URB1: variants seen among roughly 807,000 people sequenced by gnomAD.
URB1 encodes URB1 ribosome biogenesis factor, also known as nucleolar pre-ribosomal-associated protein 1.
URB1 carries 197 observed loss-of-function variants against 242.3 expected under a neutral mutation model. The observed-to-expected ratio is 0.81, with a 90% CI of 0.72 to 0.91. URB1 has a LOEUF of 0.91. URB1 is among the 40% of genes least tolerant of loss of function. The probability of loss-of-function intolerance (pLI) is 0.00; values close to 1 mark genes in which losing one functional copy is unlikely to be tolerated. For synonymous variants in URB1, 1,153 were observed against 1,201.8 expected, an observed-to-expected ratio of 0.96 and a Z score of 0.84; for missense variants, 2,721 against 2,860.5, an observed-to-expected ratio of 0.95 and a Z score of 1.11.
intron 1 of URB1, among the ~76,000 whole-genome samples, chr21:32,386,629 G>T (rs190006675): frequency 2.5e-3 from 388 of 152,256 alleles, no homozygotes; most frequent in African/African-American, 8.2e-3. Flanking sequence ...GCAATGACTC[G>T]TCTGGATCCC....
intron 35 of URB1, 76 bp from the exon 36 acceptor site, chr21:32,319,490 T>A: frequency 7.5e-7 from 1 of 1,340,398 alleles, no homozygotes; most frequent in Non-Finnish European, 9.9e-7. Flanking sequence ...CCCTCCATAA[T>A]CCTATCTGCT....
chr21:32,385,783 C>T, intron 1 of URB1, 99 bp from the exon 2 acceptor site: 1 of 1,423,982 alleles, frequency 7.0e-7, no homozygotes, highest in Admixed American at 2.1e-5. Context: ...GTGACCTTCC[C>T]CGATCCACCT....
intron 26 of URB1, among the ~76,000 whole-genome samples, chr21:32,338,164 G>A (rs1237914236): frequency 3.9e-5 from 6 of 152,182 alleles, no homozygotes; most frequent in African/African-American, 1.2e-4. Flanking sequence ...AGAGCGTGGC[G>A]TCAGGAGGGC....
chr21:32,389,176 G>C (rs572275437), intron 1 of URB1, among the ~76,000 whole-genome samples: 1 of 152,264 alleles, frequency 6.6e-6, no homozygotes, highest in African/African-American at 2.4e-5. Context: ...AATAGTAAAC[G>C]TAAGTATTGA....
intron 38 of URB1, 36 bp from the exon 39 acceptor site, chr21:32,315,135 C>T (rs1227188075): frequency 2.1e-6 from 3 of 1,458,784 alleles, no homozygotes; most frequent in Non-Finnish European, 2.7e-6. Context: ...TTAGGATGCA[C>T]ACCTGCTCAG....
chr21:32,384,248 C>A (rs1474266721), intron 3 of URB1, 65 bp downstream of exon 3: 4 of 1,506,862 alleles, frequency 2.7e-6, no homozygotes, highest in African/African-American at 2.8e-5. Context: ...AATGCACCTG[C>A]GGAGAGCTGA....
chr21:32,338,565 G>T, intron 26 of URB1, 142 bp downstream of exon 26: 1 of 974,708 alleles, frequency 1.0e-6, no homozygotes, highest in Non-Finnish European at 1.5e-6. Context: ...GGATTTGACA[G>T]AAATAAAACA....
chr21:32,360,015 G>T, intron 13 of URB1, 107 bp from the exon 14 acceptor site: 1 of 1,002,162 alleles, frequency 1.0e-6, no homozygotes. Flanking sequence ...GAAAGAAAAA[G>T]GGTGGATGCA....
chr21:32,361,191 G>GAAAGAAAGAAAGAAAC, intron 12 of URB1, 68 bp from the exon 13 acceptor site: 2 of 872,020 alleles, frequency 2.3e-6, no homozygotes, highest in Admixed American at 3.0e-5. Flanking sequence ...AAGAAAGAAA[G>GAAAGAAAGAAAGAAAC]AAAGAAAGAA....
In URB1 at chr21:32,314,195, A is replaced by ATTTTTT; in HGVS notation, c.*717_*722dup. On this transcript the variant is annotated 3_prime_UTR_variant, in exon 39 of 39. Transcript: ENST00000382751. ...ATAGAAAAACAAACTTTATTTTTTT[A>ATTTTTT]TTTTTTTGAGATGGAGTCTTGCTCT... is the stretch of plus-strand genomic sequence containing the variant. 5.2e-6 allele frequency: 1 copy of ATTTTTT among 191,412 alleles called. No individual in the cohort carries two copies. Among genetic ancestry groups the ATTTTTT allele is most frequent in the Non-Finnish European group, 1.1e-5 (1 of 91,148 alleles). 11.9% of individuals were successfully genotyped at this position (191,412 alleles called of 1,614,324 possible).
At chr21:32,351,603 C>G (rs909709269) in intron 19 of URB1, among the ~76,000 whole-genome samples, 7 of 152,204 alleles carry the variant, frequency 4.6e-5, no homozygotes, top group Non-Finnish European at 8.8e-5. Context: ...CAGGCTCCAC[C>G]CAGACCTGCC....
In URB1 at chr21:32,354,894, G is replaced by T. The variant is rs1356681194; in HGVS notation, c.2210C>A (p.Ala737Asp). Residue 737 changes from alanine to aspartate, a missense_variant, in exon 17 of 39, where the codon GCC (alanine) becomes GAC (aspartate). Coordinates refer to ENST00000382751, the MANE Select transcript of URB1 (RefSeq NM_014825.3). Reference protein sequence around the residue: ...MLQATMTKQEADDMSIPISHI... With the variant: ...MLQATMTKQEDDDMSIPISHI... ...GGAGATGGGAATGCTCATGTCATCGGCTTCTTGCTTCGTCATAGTGGCCTG... is the reference window on the plus strand; with the variant it reads ...GGAGATGGGAATGCTCATGTCATCGTCTTCTTGCTTCGTCATAGTGGCCTG... 5.2e-6 allele frequency: 8 copies of T among 1,552,386 alleles called. No individual in the cohort carries two copies. The highest frequency in any genetic ancestry group is 7.0e-6 in the Non-Finnish European group (8 of 1,147,136).
rs142839194 is a variant in URB1 at position 32,387,376 on chromosome 21, G to A, written c.143-1692C>T. ...GGAAGTTGCAGTGAGTCGAGATCGTGCCACTGCACTCTAGCCTGGCAACAG... is the reference window on the plus strand; with the variant it reads ...GGAAGTTGCAGTGAGTCGAGATCGTACCACTGCACTCTAGCCTGGCAACAG... On this transcript the variant is annotated intron_variant, in intron 1 of 38. Coordinates refer to ENST00000382751, the MANE Select transcript of URB1 (RefSeq NM_014825.3). Among the ~76,000 whole-genome samples the A allele has an allele frequency of 3.1e-3, 471 of 152,216 alleles. 2 individuals are homozygous for A. Among genetic ancestry groups the A allele is most frequent in the Non-Finnish European group, 5.2e-3 (357 of 68,022 alleles).
At chr21:32,361,235 C>T (rs2033284666) in intron 12 of URB1, 112 bp from the exon 13 acceptor site, 1 of 695,562 alleles carries the variant, frequency 1.4e-6, no homozygotes, top group Non-Finnish European at 2.1e-6. Flanking sequence ...CATACTGGTT[C>T]TTTGTCCTTG....
chr21:32,368,496 C>T lies in URB1; in HGVS notation c.1104G>A (p.Pro368=), dbSNP rs750787853. 7.1e-6 allele frequency: 11 copies of T among 1,551,736 alleles called. No homozygotes were observed. The highest frequency in any genetic ancestry group is 2.0e-5 in the Admixed American group (1 of 50,988). Residue 368 remains proline (P), a synonymous_variant, in exon 9 of 39, where the codon CCG becomes CCA. Coordinates refer to ENST00000382751, the MANE Select transcript of URB1 (RefSeq NM_014825.3). Reference sequence around the variant, plus strand: ...CCTTGAAGTATTTGTTCAGTAAGTCCGGGCACACTTTGAGGATGTTTACCA... The same window carrying T: ...CCTTGAAGTATTTGTTCAGTAAGTCTGGGCACACTTTGAGGATGTTTACCA... ...DLVVNILKVC[P]DLLNKYFKEV...
Position 32,354,897 on chromosome 21 carries a change from T to A in URB1, c.2207A>T (p.Glu736Val). 6.4e-7 allele frequency: 1 copy of A among 1,552,408 alleles called. No homozygotes were observed. The highest frequency in any genetic ancestry group is 1.2e-5 in the South Asian group (1 of 84,052). ...SMLQATMTKQ[E>V]ADDMSIPISH... ...GATGGGAATGCTCATGTCATCGGCT[T>A]CTTGCTTCGTCATAGTGGCCTGCAG... The change falls in exon 17 of 39, where the codon GAA becomes GTA. Residue 736 changes from glutamate to valine, a missense_variant. Physicochemically the swap from Glu to Val is moderately radical, Grantham distance 121 (BLOSUM62 -2). Coordinates refer to ENST00000382751, the MANE Select transcript of URB1 (RefSeq NM_014825.3).
chr21:32,392,205 C>G (rs1433998470), intron 1 of URB1, among the ~76,000 whole-genome samples: 1 of 152,140 alleles, frequency 6.6e-6, no homozygotes, highest in Non-Finnish European at 1.5e-5. Flanking sequence ...TACAAGTAGT[C>G]GCGAAGGGTG....
rs1046413575 is a variant in URB1 at position 32,337,449 on chromosome 21, A to G, written c.4576T>C (p.Phe1526Leu). 3 of 1,550,396 alleles carry G rather than the reference A, an allele frequency of 1.9e-6. No individual in the cohort carries two copies. The highest frequency in any genetic ancestry group is 2.7e-5 in the African/African-American group (2 of 72,970). ...MCPSVCESSH[F>L]AVLLGAYGAT... ...CCATAGGCCCCGAGAAGCACTGCAA[A>G]GTGGCTGCTCTCACAGACAGAGGGG... Residue 1526 changes from phenylalanine (F) to leucine (L), a missense_variant, in exon 27 of 39, where the codon TTT becomes CTT. By Grantham distance (22) the Phe-to-Leu change is conservative. Transcript: ENST00000382751.
At position 32,359,917 on chromosome 21, in the gene URB1, GA is replaced by G; in HGVS notation, c.1757-10del. 2 of 1,547,062 alleles carry G rather than the reference GA, an allele frequency of 1.3e-6. No homozygotes were observed. The highest frequency in any genetic ancestry group is 2.4e-5 in the South Asian group (2 of 83,130). On this transcript the variant is annotated splice_polypyrimidine_tract_variant and intron_variant, in intron 13 of 38. Coordinates refer to ENST00000382751, the MANE Select transcript of URB1 (RefSeq NM_014825.3). Reference sequence around the variant, plus strand: ...CTGCTCAGAGATGACACCTATGGGTGAAAAAGAGGCAGGCTGAAAAAAGTCA... The same window carrying G: ...CTGCTCAGAGATGACACCTATGGGTGAAAAGAGGCAGGCTGAAAAAAGTCA...
Sources: allele counts gnomAD v4.1 joint callset (sites outside exome capture counted in the v4.1 genomes callset), GRCh38; gene constraint gnomAD v4.1.1; transcripts MANE v1.5; gene names NCBI Gene and HGNC (gene_info 2026-07-23, HGNC 2026-07-21).